Variants in CYP4Z1 observed in about 807,000 individuals in gnomAD.
CYP4Z1 encodes cytochrome P450 family 4 subfamily Z member 1.
In CYP4Z1, 41 loss-of-function variants were observed where a neutral mutation model predicts 54.2. That is an observed-to-expected ratio of 0.76 (90% confidence interval 0.59 to 0.98). The LOEUF is 0.98. Among genes scored for constraint, CYP4Z1 ranks in the 50% least tolerant of loss-of-function variants. The pLI is 0.00. For synonymous variants in CYP4Z1, 163 were observed against 206.2 expected, an observed-to-expected ratio of 0.79 and a Z score of 1.79; for missense variants, 513 against 599.0, an observed-to-expected ratio of 0.86 and a Z score of 1.50.
At chr1:47,079,414 G>T (rs1453131435) in intron 2 of CYP4Z1, among the ~76,000 whole-genome samples, 1 of 152,112 alleles carries the variant, frequency 6.6e-6, no homozygotes, top group Non-Finnish European at 1.5e-5. Flanking sequence ...TTTGCTTTGG[G>T]AAGGGATGGC....
the CYP4Z1 span, among the ~76,000 whole-genome samples, chr1:47,061,417 A>G: frequency 6.6e-6 from 1 of 152,222 alleles, no homozygotes; most frequent in Non-Finnish European, 1.5e-5. Flanking sequence ...TATGCACACA[A>G]ACTAGAAAAT....
At chr1:47,065,310 A>T (rs1191621466), upstream of CYP4Z1, among the ~76,000 whole-genome samples, 1 of 152,206 alleles carries the variant, frequency 6.6e-6, no homozygotes, top group Non-Finnish European at 1.5e-5. Flanking sequence ...AATTTAAGAA[A>T]ATCAAAATTA....
chr1:47,086,708 T>C (rs1041929042), intron 6 of CYP4Z1, among the ~76,000 whole-genome samples: 12 of 152,226 alleles, frequency 7.9e-5, no homozygotes, highest in African/African-American at 2.7e-4. Context: ...TAAGATCCCA[T>C]TTGTCAATTT....
chr1:47,104,999 G>A (rs902624260), intron 8 of CYP4Z1, among the ~76,000 whole-genome samples: 8 of 152,074 alleles, frequency 5.3e-5, no homozygotes, highest in East Asian at 1.9e-4. Context: ...CAAGGGAGGC[G>A]CTGCTTTCAT....
the CYP4Z1 span, among the ~76,000 whole-genome samples, chr1:47,058,043 C>G: frequency 6.6e-5 from 10 of 151,982 alleles, no homozygotes; most frequent in Non-Finnish European, 1.2e-4. Flanking sequence ...TTTAAAAAAA[C>G]TATTTATCAA....
chr1:47,068,602 C>G lies in CYP4Z1; in HGVS notation c.178-20C>G. The stretch of plus-strand genomic sequence containing the variant: ...GGGGTGACAACCTTTACTAACCAGT[C>G]ATGACTTATCTTATGACAGTTTTAC... On this transcript the variant is annotated intron_variant, in intron 1 of 11. Coordinates refer to ENST00000334194, the MANE Select transcript of CYP4Z1 (RefSeq NM_178134.3). 6.2e-7 allele frequency: 1 copy of G among 1,612,798 alleles called. No homozygotes were observed. The highest frequency in any genetic ancestry group is 1.1e-5 in the South Asian group (1 of 90,784).
At chr1:47,094,781 G>A in intron 7 of CYP4Z1, 112 bp downstream of exon 7, 1 of 620,070 alleles carries the variant, frequency 1.6e-6, no homozygotes, top group Non-Finnish European at 2.8e-6. Flanking sequence ...GCCAAGGCGG[G>A]CAGATCACTT....
At chr1:47,115,497 G>A (rs1270361206) in intron 9 of CYP4Z1, 32 bp from the exon 10 acceptor site, 9 of 1,591,946 alleles carry the variant, frequency 5.7e-6, no homozygotes, top group Non-Finnish European at 7.7e-6. Flanking sequence ...CTTCGCTCAT[G>A]CACTTACCTG....
chr1:47,060,910 C>T, the CYP4Z1 span, among the ~76,000 whole-genome samples: 2 of 152,160 alleles, frequency 1.3e-5, no homozygotes, highest in African/African-American at 4.8e-5. Flanking sequence ...TCATTCAAAA[C>T]CATATAATTA....
intron 9 of CYP4Z1, among the ~76,000 whole-genome samples, chr1:47,110,035 A>C (rs1000511617): frequency 1.3e-5 from 2 of 151,112 alleles, no homozygotes; most frequent in Admixed American, 1.3e-4. Flanking sequence ...TTGTTAGATA[A>C]TGTGCATGCT....
Position 47,084,658 on chromosome 1 carries a change from G to A in CYP4Z1, c.531G>A (p.Leu177=), listed in dbSNP as rs772989330. The A allele has an allele frequency of 7.5e-6, 12 of 1,607,450 alleles. No individual in the cohort carries two copies. Among genetic ancestry groups the A allele is most frequent in the Non-Finnish European group, 9.3e-6 (11 of 1,177,610 alleles). ...WEEHIAQNSR[L]ELFQHVSLMT... is the part of the protein sequence containing the mutation. Reference sequence around the variant, plus strand: ...AACACATTGCCCAAAACTCACGTCTGGAGCTCTTTCAACATGTCTCCCTGA... The same window carrying A: ...AACACATTGCCCAAAACTCACGTCTAGAGCTCTTTCAACATGTCTCCCTGA... Residue 177 remains leucine (L), a synonymous_variant, in exon 5 of 12, where the codon CTG becomes CTA. Transcript: ENST00000334194.
intron 4 of CYP4Z1, among the ~76,000 whole-genome samples, chr1:47,083,848 T>A (rs878931615): frequency 3.2e-4 from 49 of 152,212 alleles, no homozygotes; most frequent in East Asian, 1.4e-3. Flanking sequence ...CACCTACCTA[T>A]TGCTCTTTCT....
At chr1:47,103,715 C>T (rs1309964315) in intron 8 of CYP4Z1, among the ~76,000 whole-genome samples, 2 of 150,802 alleles carry the variant, frequency 1.3e-5, no homozygotes, top group Non-Finnish European at 1.5e-5. Context: ...CTGCCTCAGA[C>T]ATTTGAGTAG....
rs1191491191 is a variant in CYP4Z1, at chr1:47,067,685, G to A, written c.177+18G>A. The A allele has an allele frequency of 2.1e-5, 34 of 1,582,352 alleles. No homozygotes were observed. The highest frequency in any genetic ancestry group is 1.7e-4 in the Middle Eastern group (1 of 5,888). On this transcript the variant is annotated intron_variant, in intron 1 of 11. Coordinates refer to ENST00000334194, the MANE Select transcript of CYP4Z1 (RefSeq NM_178134.3). ...ACAAGGAGGTAAGAGGAGAAAATTAGTTGGGGAGGTTAAGGGACAGAAAGA... is the reference window on the plus strand; with the variant it reads ...ACAAGGAGGTAAGAGGAGAAAATTAATTGGGGAGGTTAAGGGACAGAAAGA...
chr1:47,074,044 C>T (rs1310431698), intron 2 of CYP4Z1, among the ~76,000 whole-genome samples: 1 of 152,028 alleles, frequency 6.6e-6, no homozygotes, highest in Non-Finnish European at 1.5e-5. Context: ...AAGACCCTCC[C>T]CTATTTTTTC....
chr1:47,091,993 C>T (rs903942189), intron 6 of CYP4Z1, among the ~76,000 whole-genome samples: 3 of 151,948 alleles, frequency 2.0e-5, no homozygotes, highest in African/African-American at 4.8e-5. Context: ...ACCCAGGGCT[C>T]CCGTGCTGTA....
intron 9 of CYP4Z1, among the ~76,000 whole-genome samples, chr1:47,108,307 C>T (rs1414375056): frequency 6.6e-6 from 1 of 152,212 alleles, no homozygotes; most frequent in Non-Finnish European, 1.5e-5. Context: ...TTTGGCAATG[C>T]CGTCAACTTC....
intron 6 of CYP4Z1, among the ~76,000 whole-genome samples, chr1:47,086,254 T>G (rs531427419): frequency 5.3e-5 from 8 of 152,318 alleles, no homozygotes; most frequent in Admixed American, 3.3e-4. Flanking sequence ...TTCTAGATCC[T>G]TGAGGAATCG....
chr1:47,111,392 C>A (rs1644791285), intron 9 of CYP4Z1, among the ~76,000 whole-genome samples: 1 of 152,134 alleles, frequency 6.6e-6, no homozygotes, highest in East Asian at 1.9e-4. Context: ...ACCGTGTTAG[C>A]CACGATGGTC....
Sources: allele counts gnomAD v4.1 joint callset (sites outside exome capture counted in the v4.1 genomes callset), GRCh38; gene constraint gnomAD v4.1.1; transcripts MANE v1.5; gene names NCBI Gene and HGNC (gene_info 2026-07-23, HGNC 2026-07-21).